Variants in ACACB observed in about 807,000 individuals in gnomAD.
ACACB encodes the protein acetyl-CoA carboxylase 2.
A neutral mutation model predicts 278.8 loss-of-function variants in ACACB; 209 were observed. The ratio of observed to expected loss-of-function variants is 0.75; its 90% CI spans 0.67 to 0.84. ACACB has a LOEUF of 0.84. ACACB is among the 40% of genes least tolerant of loss of function. The pLI is 0.00. For missense variants in ACACB, 2,850 were observed against 3,269.0 expected, an observed-to-expected ratio of 0.87 and a Z score of 3.13; for synonymous variants, 1,174 against 1,285.6, an observed-to-expected ratio of 0.91 and a Z score of 1.86.
intron 1 of ACACB, among the ~76,000 whole-genome samples, chr12:109,135,470 A>G (rs1317537657): frequency 6.6e-6 from 1 of 151,948 alleles, no homozygotes; most frequent in Non-Finnish European, 1.5e-5. Context: ...TCTGTAGGTT[A>G]TCTTTTCACT....
chr12:109,251,865 G>T (rs2047104620), intron 41 of ACACB, among the ~76,000 whole-genome samples, 181 bp from the exon 42 acceptor site: 1 of 152,110 alleles, frequency 6.6e-6, no homozygotes, highest in Non-Finnish European at 1.5e-5. Flanking sequence ...AGGAATCCAA[G>T]CTCAATAAAG....
chr12:109,171,772 A>T, intron 4 of ACACB, 33 bp from the exon 5 acceptor site: 2 of 1,521,230 alleles, frequency 1.3e-6, no homozygotes, highest in Non-Finnish European at 1.8e-6. Flanking sequence ...GTCTGTCAGC[A>T]GTTCCTTCCT....
At chr12:109,242,633 C>G in intron 37 of ACACB, 41 bp downstream of exon 37, 2 of 1,602,464 alleles carry the variant, frequency 1.2e-6, no homozygotes, top group Non-Finnish European at 1.7e-6. Flanking sequence ...CTGGGTCCTC[C>G]CAGCAGACTC....
chr12:109,197,429 C>A (rs936538580), intron 17 of ACACB, among the ~76,000 whole-genome samples: 4 of 152,072 alleles, frequency 2.6e-5, no homozygotes, highest in African/African-American at 9.7e-5. Flanking sequence ...CTGTGGCCTG[C>A]GAGGTGTGTG....
chr12:109,155,688 A>G (rs1170198400), intron 2 of ACACB, among the ~76,000 whole-genome samples: 1 of 151,716 alleles, frequency 6.6e-6, no homozygotes, highest in Non-Finnish European at 1.5e-5. Flanking sequence ...TTTTTCTACC[A>G]CTGGGCTTGG....
chr12:109,252,322 G>GA lies in ACACB; in HGVS notation c.5901+176dup, dbSNP rs112165408. ...TTTGCAGCTATCTGGGTCCTTATGAGAAAAAAAAAATTAGTTTTAGGCAAT... is the reference window on the plus strand; with the variant it reads ...TTTGCAGCTATCTGGGTCCTTATGAGAAAAAAAAAAATTAGTTTTAGGCAAT... On this transcript the variant is annotated intron_variant, in intron 42 of 52. Transcript: ENST00000338432. The GA allele has an allele frequency of 9.1e-3, 4,040 of 442,156 alleles. 38 individuals are homozygous for GA. Among genetic ancestry groups the GA allele is most frequent in the African/African-American group, 0.044 (2,121 of 48,600 alleles). 27.4% of individuals were successfully genotyped at this position (442,156 alleles called of 1,614,324 possible). A position where few individuals can be genotyped will look rare whatever the true frequency, so the allele number is the denominator to read the frequency against.
rs149092322 is a variant in ACACB at position 109,139,815 on chromosome 12, C to G, written c.410C>G (p.Ala137Gly). Residue 137 changes from alanine (A) to glycine (G), a missense_variant, in exon 2 of 53, where the codon GCC becomes GGC. Ala to Gly is a moderately conservative substitution (Grantham distance 60). Around this residue, in one of 3 missense-constraint regions of ACACB, gnomAD observed 2,265 missense variants for 2,561.3 expected, o/e 0.88. Transcript: ENST00000338432. ...GATACCAATGGCCTGTCCTCCTCAG[C>G]CAGGCCCCAGGGCCAGCAAGCTGGC... ...ATDTNGLSSS[A>G]RPQGQQAGSP... 97 of 1,614,224 alleles carry G rather than the reference C, an allele frequency of 6.0e-5. No homozygotes were observed. In the African/African-American group the frequency reaches 9.9e-4, roughly 16 times the overall value.
At chr12:109,177,895 C>T (rs751741881) in intron 9 of ACACB, among the ~76,000 whole-genome samples, 2 of 152,028 alleles carry the variant, frequency 1.3e-5, no homozygotes, top group South Asian at 2.1e-4. Flanking sequence ...CAAAATGGAG[C>T]GGAAAGAATA....
At chr12:109,240,131 G>A in intron 35 of ACACB, 146 bp downstream of exon 35, 1 of 938,476 alleles carries the variant, frequency 1.1e-6, no homozygotes, top group Middle Eastern at 2.4e-4. Flanking sequence ...CGGGAGGAGA[G>A]CAAACCTTCT....
intron 22 of ACACB, among the ~76,000 whole-genome samples, chr12:109,213,821 C>T (rs2045916145): frequency 6.6e-6 from 1 of 151,866 alleles, no homozygotes; most frequent in Admixed American, 6.6e-5. Context: ...AGGATGGTCT[C>T]AATCTCCTGA....
intron 23 of ACACB, 39 bp downstream of exon 23, chr12:109,216,745 G>A (rs199716769): frequency 4.0e-5 from 65 of 1,613,992 alleles, no homozygotes; most frequent in African/African-American, 1.2e-4. Context: ...GGATGGTGGG[G>A]GGCGTGAGGA....
chr12:109,118,904 A>G lies in ACACB; in HGVS notation c.-10+2200A>G, dbSNP rs35171906. 4.3e-3 allele frequency among the ~76,000 whole-genome samples: 654 copies of G among 152,314 alleles called. 7 individuals carry two copies. The highest frequency in any genetic ancestry group is 0.015 in the African/African-American group (624 of 41,562). On this transcript the variant is annotated intron_variant, in intron 1 of 52. Coordinates refer to ENST00000338432, the MANE Select transcript of ACACB (RefSeq NM_001093.4). ...TGTTTGCAGTGATAATAGTAAATTT[A>G]TGACCGTAGAGTAAGGTGATTTTCT... is the stretch of plus-strand genomic sequence containing the variant.
intron 13 of ACACB, among the ~76,000 whole-genome samples, chr12:109,188,908 G>A (rs2044766445): frequency 6.6e-6 from 1 of 152,160 alleles, no homozygotes; most frequent in African/African-American, 2.4e-5. Context: ...GTTCCCTAAT[G>A]GGTTGTATTT....
At chr12:109,224,902 T>G (rs2046273197) in intron 27 of ACACB, among the ~76,000 whole-genome samples, 1 of 152,222 alleles carries the variant, frequency 6.6e-6, no homozygotes, top group South Asian at 2.1e-4. Flanking sequence ...CTTTATCTTC[T>G]GAGCTCAGAG....
chr12:109,155,875 G>T (rs990612766), intron 2 of ACACB, among the ~76,000 whole-genome samples: 1 of 152,138 alleles, frequency 6.6e-6, no homozygotes, highest in African/African-American at 2.4e-5. Flanking sequence ...CCTGCTCATC[G>T]ATTTATGATT....
chr12:109,135,416 A>C (rs2042942050), intron 1 of ACACB, among the ~76,000 whole-genome samples: 3 of 152,060 alleles, frequency 2.0e-5, no homozygotes, highest in African/African-American at 4.8e-5. Context: ...CATTCTGGGC[A>C]CTAGACTCTT....
chr12:109,126,552 T>C (rs945000770), intron 1 of ACACB, among the ~76,000 whole-genome samples: 3 of 152,114 alleles, frequency 2.0e-5, no homozygotes, highest in Non-Finnish European at 4.4e-5. Flanking sequence ...GATGTCGTGG[T>C]GTGCACCTGT....
intron 1 of ACACB, among the ~76,000 whole-genome samples, chr12:109,119,835 C>T (rs532399091): frequency 6.6e-6 from 1 of 152,152 alleles, no homozygotes; most frequent in South Asian, 2.1e-4. Flanking sequence ...CCAGACGTTG[C>T]AGCAAGCTGA....
intron 13 of ACACB, among the ~76,000 whole-genome samples, chr12:109,188,776 G>C (rs745741514): frequency 6.6e-6 from 1 of 152,158 alleles, no homozygotes; most frequent in Non-Finnish European, 1.5e-5. Context: ...GAGCTTATAA[G>C]AGTTCTAGCT....
Sources: allele counts gnomAD v4.1 joint callset (sites outside exome capture counted in the v4.1 genomes callset), GRCh38; gene constraint gnomAD v4.1.1; regional missense constraint gnomAD v4.1.1; transcripts MANE v1.5; gene names NCBI Gene and HGNC (gene_info 2026-07-23, HGNC 2026-07-21).